IQCK: variants seen among roughly 807,000 people sequenced by gnomAD.
IQCK encodes the protein IQ motif containing K.
In IQCK, 29 loss-of-function variants were observed where a neutral mutation model predicts 28.1. The observed-to-expected ratio is 1.03, with a 90% confidence interval of 0.77 to 1.41. IQCK has a LOEUF of 1.41. IQCK is among the 40% of genes most tolerant of loss of function. IQCK has a pLI of 0.00. For synonymous variants in IQCK, 113 were observed against 115.1 expected (o/e 0.98, Z 0.12); for missense variants, 359 against 314.7 (o/e 1.14, Z -1.07).
chr16:19,857,745 TA>T (rs397937342), exon 10 of IQCK: 18,505 of 98,596 alleles, frequency 0.19, 1,461 homozygotes, highest in African/African-American at 0.29. Context: ...GCATCTGGGC[TA>T]AAAAAAAAAA....
At chr16:19,719,281 A>AT in intron 1 of IQCK, among the ~76,000 whole-genome samples, 1 of 152,162 alleles carries the variant, frequency 6.6e-6, no homozygotes, top group Non-Finnish European at 1.5e-5. Context: ...CTAGTTCTTA[A>AT]TGAATAATGT....
At chr16:19,771,152 C>T (rs1424966058) in intron 6 of IQCK, among the ~76,000 whole-genome samples, 1 of 152,194 alleles carries the variant, frequency 6.6e-6, no homozygotes, top group Non-Finnish European at 1.5e-5. Context: ...ACTGCAGTGG[C>T]ACAATCACAG....
chr16:19,778,070 G>C (rs943090342), intron 6 of IQCK, among the ~76,000 whole-genome samples: 2 of 152,000 alleles, frequency 1.3e-5, no homozygotes, highest in Non-Finnish European at 2.9e-5. Context: ...AAGAGAACCA[G>C]TTCAGAGAGC....
At chr16:19,854,375 C>T (rs1393936180) in intron 9 of IQCK, among the ~76,000 whole-genome samples, 1 of 152,054 alleles carries the variant, frequency 6.6e-6, no homozygotes, top group East Asian at 1.9e-4. Flanking sequence ...CTAACAATTT[C>T]CCCCTATTGC....
chr16:19,721,949 T>C (rs1201736018), intron 1 of IQCK, among the ~76,000 whole-genome samples: 1 of 123,944 alleles, frequency 8.1e-6, no homozygotes, highest in East Asian at 2.1e-4. Context: ...GGTTCATCAC[T>C]TAATCAAGCA....
chr16:19,810,971 G>C, intron 7 of IQCK, among the ~76,000 whole-genome samples: 1 of 152,158 alleles, frequency 6.6e-6, no homozygotes, highest in Non-Finnish European at 1.5e-5. Context: ...TAGTGGTAAA[G>C]AAGAGATCAA....
chr16:19,734,607 T>A (rs1352550816), intron 3 of IQCK, among the ~76,000 whole-genome samples: 1 of 149,480 alleles, frequency 6.7e-6, no homozygotes, highest in African/African-American at 2.5e-5. Context: ...CCAGCCTGGG[T>A]GACAGAGCGA....
At chr16:19,802,968 G>C (rs2055778701) in intron 7 of IQCK, among the ~76,000 whole-genome samples, 1 of 152,148 alleles carries the variant, frequency 6.6e-6, no homozygotes, top group South Asian at 2.1e-4. Context: ...TTGAACCTAT[G>C]GATTGTGATG....
At chr16:19,726,632 T>G (rs1705348736) in intron 1 of IQCK, among the ~76,000 whole-genome samples, 1 of 151,786 alleles carries the variant, frequency 6.6e-6, no homozygotes, top group African/African-American at 2.4e-5. Context: ...TTGAAAGGAG[T>G]CTCATATTTA....
chr16:19,790,698 T>C (rs2055606100), intron 7 of IQCK, among the ~76,000 whole-genome samples: 1 of 111,356 alleles, frequency 9.0e-6, no homozygotes. Context: ...GTCAGTATTG[T>C]CCAGTTATTC....
chr16:19,817,439 C>A (rs945383922), intron 7 of IQCK, among the ~76,000 whole-genome samples: 2 of 152,056 alleles, frequency 1.3e-5, no homozygotes, highest in Non-Finnish European at 2.9e-5. Flanking sequence ...TGGTAATGAA[C>A]TAACAAGGCT....
intron 9 of IQCK, among the ~76,000 whole-genome samples, chr16:19,847,598 C>G (rs369598625): frequency 6.6e-6 from 1 of 152,318 alleles, no homozygotes; most frequent in South Asian, 2.1e-4. Flanking sequence ...TGTCTGGCGT[C>G]TGTGTCTTCT....
intron 4 of IQCK, among the ~76,000 whole-genome samples, chr16:19,744,806 A>G (rs2054884372): frequency 2.0e-5 from 3 of 152,188 alleles, no homozygotes. Flanking sequence ...ATATTGTGTT[A>G]AACAAATATA....
chr16:19,803,169 G>A (rs779393567), intron 7 of IQCK, among the ~76,000 whole-genome samples: 2 of 152,046 alleles, frequency 1.3e-5, no homozygotes, highest in African/African-American at 2.4e-5. Context: ...TTGAGACAGA[G>A]TCTCACTCTG....
exon 2 of IQCK, chr16:19,730,436 A>C (rs1402619768): frequency 6.2e-7 from 1 of 1,607,258 alleles, no homozygotes. Flanking sequence ...TTAGAGTATG[A>C]AGCTGAGCAG....
chr16:19,757,206 A>G (rs1400961382), intron 4 of IQCK, among the ~76,000 whole-genome samples: 1 of 152,130 alleles, frequency 6.6e-6, no homozygotes, highest in African/African-American at 2.4e-5. Context: ...AACTCACAGC[A>G]TGTGCTTTTG....
At chr16:19,848,400 G>A (rs565498147) in intron 9 of IQCK, among the ~76,000 whole-genome samples, 1 of 152,326 alleles carries the variant, frequency 6.6e-6, no homozygotes, top group Admixed American at 6.5e-5. Flanking sequence ...ATACATTCCG[G>A]AACATCCACA....
intron 4 of IQCK, among the ~76,000 whole-genome samples, chr16:19,743,853 A>C (rs570488588): frequency 6.6e-6 from 1 of 152,378 alleles, no homozygotes; most frequent in South Asian, 2.1e-4. Flanking sequence ...TTGTCCTGCC[A>C]GTACCATGAA....
chr16:19,760,085 C>G lies in IQCK; in HGVS notation c.475-3763C>G, dbSNP rs571037927. Among the ~76,000 whole-genome samples, 49 of 152,212 alleles carry G rather than the reference C, an allele frequency of 3.2e-4. 2 individuals carry two copies. The South Asian group carries it at 0.01, about 32-fold the overall frequency. The stretch of plus-strand genomic sequence containing the variant: ...TTGAGGCTGGAGAGAGATCATGCCA[C>G]TATACTCCAGCCTGGGTGACAGAGA... On this transcript the variant is annotated intron_variant, in intron 4 of 7. Coordinates refer to ENST00000564186, the Ensembl canonical transcript of IQCK.
Sources: gnomAD v4.1 joint callset for allele counts (sites outside exome capture counted in the v4.1 genomes callset) on GRCh38, gnomAD v4.1.1 for gene constraint, MANE v1.5 for transcripts, NCBI Gene and HGNC (gene_info 2026-07-23, HGNC 2026-07-21) for gene names.